Variants in SHANK2 observed in about 807,000 individuals in gnomAD.
SHANK2 encodes SH3 and multiple ankyrin repeat domains 2.
Under a neutral mutation model 133.7 loss-of-function variants are expected in SHANK2, and 43 were observed. The ratio of observed to expected loss-of-function variants is 0.32; its 90% CI spans 0.25 to 0.41. The LOEUF is 0.41. Among genes scored for constraint, SHANK2 ranks in the 10% least tolerant of loss-of-function variants. The probability of loss-of-function intolerance (pLI) is 1.00; values close to 1 mark genes in which losing one functional copy is unlikely to be tolerated. For synonymous variants in SHANK2, 1,017 were observed against 952.8 expected (o/e 1.07, Z -1.24); for missense variants, 1,994 against 2,235.8 (o/e 0.89, Z 2.18).
At chr11:70,533,111 C>T (rs1461614856) in intron 17 of SHANK2, among the ~76,000 whole-genome samples, 1 of 152,114 alleles carries the variant, frequency 6.6e-6, no homozygotes, top group Non-Finnish European at 1.5e-5. Context: ...GAGGGACGGC[C>T]CTTGGGGACG....
At chr11:71,065,352 GGGTGT>G (rs1951036091) in intron 9 of SHANK2, among the ~76,000 whole-genome samples, 15 of 145,808 alleles carry the variant, frequency 1.0e-4, no homozygotes, top group Admixed American at 3.4e-4. Context: ...GAAGTTGTGG[GGGTGT>G]GTGTGTGCAG....
chr11:70,650,451 CA>C (rs1555009822), intron 17 of SHANK2, among the ~76,000 whole-genome samples: 1 of 152,124 alleles, frequency 6.6e-6, no homozygotes, highest in African/African-American at 2.4e-5. Flanking sequence ...CAGCACCCTG[CA>C]GAGAGCCAGT....
chr11:71,228,801 C>T (rs576586872), intron 1 of SHANK2, among the ~76,000 whole-genome samples: 2 of 152,082 alleles, frequency 1.3e-5, no homozygotes, highest in African/African-American at 2.4e-5. Context: ...ATACCTTATA[C>T]AAACGTAAAT....
chr11:70,853,070 C>T (rs1287743174), intron 11 of SHANK2, among the ~76,000 whole-genome samples: 1 of 152,242 alleles, frequency 6.6e-6, no homozygotes, highest in Non-Finnish European at 1.5e-5. Context: ...TCTGGGGTGC[C>T]CCCTGCTGAG....
intron 11 of SHANK2, among the ~76,000 whole-genome samples, chr11:70,875,389 G>A (rs1399004095): frequency 6.6e-6 from 1 of 152,020 alleles, no homozygotes; most frequent in Non-Finnish European, 1.5e-5. Flanking sequence ...GCCAGGCGTG[G>A]TGGCAGGCGC....
chr11:70,739,183 C>A lies in SHANK2; in HGVS notation c.1778-40420G>T, dbSNP rs1430658898. Among the ~76,000 whole-genome samples, 1 of 152,226 alleles carries A rather than the reference C, an allele frequency of 6.6e-6. No homozygotes were observed. The highest frequency in any genetic ancestry group is 1.5e-5 in the Non-Finnish European group (1 of 68,038). ...AGGAGCCTGACCCACCAGCAACCAA[C>A]TGAACCTCAGCCAGAGGGCCTGATG... On this transcript the variant is annotated intron_variant, in intron 14 of 25. Transcript: ENST00000601538. This position sits in a 1 kb window ranked among gnomAD's most constrained non-coding sequence, Gnocchi z 4.3.
intron 11 of SHANK2, among the ~76,000 whole-genome samples, chr11:70,848,624 G>A (rs782124939): frequency 5.3e-5 from 8 of 152,208 alleles, no homozygotes; most frequent in South Asian, 2.1e-4. Context: ...AGCAGGTAGC[G>A]CTTCCAATGC....
intron 10 of SHANK2, among the ~76,000 whole-genome samples, chr11:70,912,421 G>A (rs543699262): frequency 2.0e-5 from 3 of 152,214 alleles, no homozygotes; most frequent in Admixed American, 6.5e-5. Flanking sequence ...ATTGAATCAC[G>A]GGGGCCGGTC....
chr11:71,194,941 G>A (rs1308819205), intron 2 of SHANK2, among the ~76,000 whole-genome samples: 1 of 152,250 alleles, frequency 6.6e-6, no homozygotes, highest in Admixed American at 6.5e-5. Flanking sequence ...GGTCCAGTCT[G>A]CTTCCTTCGT....
At chr11:71,127,465 A>T (rs1555102931) in intron 3 of SHANK2, among the ~76,000 whole-genome samples, 1 of 152,192 alleles carries the variant, frequency 6.6e-6, no homozygotes, top group African/African-American at 2.4e-5. Context: ...TTAATGCAGC[A>T]AACTTCTTTG....
In SHANK2 at chr11:70,569,809, G is replaced by A. The variant is rs1230257925; in HGVS notation, c.2062-66878C>T. On this transcript the variant is annotated intron_variant, in intron 17 of 25. Coordinates refer to ENST00000601538, the MANE Select transcript of SHANK2 (RefSeq NM_012309.5). The surrounding 1 kb of genome is among the most constrained non-coding windows in gnomAD (Gnocchi z 5.1). ...ATGCTGGCAGATGTGTGAGCACGGA[G>A]GGGGTTCCTCAGCCCGGGAAAAGGC... is the stretch of plus-strand genomic sequence containing the variant. Among the ~76,000 whole-genome samples the A allele has an allele frequency of 4.6e-5, 7 of 152,138 alleles. No homozygotes were observed. The highest frequency in any genetic ancestry group is 4.6e-4 in the Admixed American group (7 of 15,270).
At chr11:70,596,510 C>T (rs2060403241) in intron 17 of SHANK2, among the ~76,000 whole-genome samples, 1 of 152,186 alleles carries the variant, frequency 6.6e-6, no homozygotes, top group Non-Finnish European at 1.5e-5. Flanking sequence ...CTGGGACCCA[C>T]CCCCACCAGG....
intron 15 of SHANK2, among the ~76,000 whole-genome samples, chr11:70,690,109 G>A (rs970670317): frequency 1.3e-5 from 2 of 152,028 alleles, no homozygotes; most frequent in Admixed American, 1.3e-4. Flanking sequence ...GTGAAGTGAA[G>A]TTGCAGGATG....
rs1555055479 is a variant in SHANK2, at chr11:70,820,317, C to T, written c.1493+47G>A. 17 of 597,808 alleles carry T rather than the reference C, an allele frequency of 2.8e-5. No homozygotes were observed. The South Asian group carries it at 3.4e-4, about 12-fold the overall frequency. The allele number at this position is 597,808 out of a possible 1,614,324, so 37.0% of individuals were successfully genotyped here. A position where few individuals can be genotyped will look rare whatever the true frequency, so the allele number is the denominator to read the frequency against. ...ACCCCAAGTTGGAGGAGCTGGGACC[C>T]CCAGCACGTGGCGGTCTTCCTTCCC... On this transcript the variant is annotated intron_variant, in intron 12 of 25. Coordinates refer to ENST00000601538, the MANE Select transcript of SHANK2 (RefSeq NM_012309.5).
chr11:70,763,179 T>C (rs10899446), intron 14 of SHANK2, among the ~76,000 whole-genome samples: 53,311 of 152,030 alleles, frequency 0.35, 9,735 homozygotes, highest in East Asian at 0.59. Context: ...CGAAAACCAA[T>C]CTGCCTTGGA....
chr11:70,727,764 A>G (rs1373485512), intron 14 of SHANK2, among the ~76,000 whole-genome samples: 1 of 152,208 alleles, frequency 6.6e-6, no homozygotes. Context: ...TGGGGGCCCC[A>G]GCCCTACCCG....
At chr11:70,608,581 C>G (rs2060611502) in intron 17 of SHANK2, among the ~76,000 whole-genome samples, 1 of 152,206 alleles carries the variant, frequency 6.6e-6, no homozygotes. Context: ...CAGCACTCGG[C>G]AGCAGGGAGC....
At chr11:70,908,490 GT>G (rs1555078400) in intron 10 of SHANK2, among the ~76,000 whole-genome samples, 1 of 152,216 alleles carries the variant, frequency 6.6e-6, no homozygotes, top group African/African-American at 2.4e-5. Context: ...TCCTGCCACA[GT>G]TTCATTCTGC....
chr11:70,806,912 C>T (rs1948174834), intron 13 of SHANK2, 90 bp downstream of exon 13: 9 of 630,594 alleles, frequency 1.4e-5, no homozygotes, highest in Non-Finnish European at 2.6e-5. Flanking sequence ...TGGAGAAGCA[C>T]AGCCTTGGAC....
Sources: allele counts gnomAD v4.1 joint callset (sites outside exome capture counted in the v4.1 genomes callset), GRCh38; gene constraint gnomAD v4.1.1; non-coding constraint Gnocchi (gnomAD v3.1); transcripts MANE v1.5; gene names NCBI Gene and HGNC (gene_info 2026-07-23, HGNC 2026-07-21).